Variants in PPFIA2 observed in about 807,000 individuals in gnomAD.
The protein encoded by PPFIA2 is liprin-alpha-2.
In PPFIA2, 46 loss-of-function variants were observed where a neutral mutation model predicts 175.5. The observed-to-expected ratio is 0.26, with a 90% CI of 0.21 to 0.34. PPFIA2 has a LOEUF of 0.34. Ranked by LOEUF, PPFIA2 falls within the 10% of genes least tolerant of loss-of-function variation. The pLI is 1.00. For synonymous variants in PPFIA2, 568 were observed against 511.4 expected, an observed-to-expected ratio of 1.11 and a Z score of -1.49; for missense variants, 1,179 against 1,506.1, an observed-to-expected ratio of 0.78 and a Z score of 3.60.
intron 4 of PPFIA2, among the ~76,000 whole-genome samples, chr12:81,613,182 G>T (rs1207316093): frequency 6.6e-6 from 1 of 152,078 alleles, no homozygotes; most frequent in African/African-American, 2.4e-5. Flanking sequence ...TTACATTAAA[G>T]CTCTAGAGCG....
chr12:81,478,809 C>CA (rs1207681350), intron 4 of PPFIA2, among the ~76,000 whole-genome samples: 1 of 152,046 alleles, frequency 6.6e-6, no homozygotes, highest in Non-Finnish European at 1.5e-5. Context: ...CTTTCTTTTG[C>CA]ATTATCTGAG....
intron 22 of PPFIA2, among the ~76,000 whole-genome samples, chr12:81,318,659 T>C (rs747554089): frequency 6.6e-6 from 1 of 151,904 alleles, no homozygotes; most frequent in Non-Finnish European, 1.5e-5. Flanking sequence ...CCACCTTCTG[T>C]TTCACTTAGT....
At chr12:81,734,101 G>C (rs1440294453) in intron 3 of PPFIA2, among the ~76,000 whole-genome samples, 2 of 151,792 alleles carry the variant, frequency 1.3e-5, no homozygotes, top group Non-Finnish European at 2.9e-5. Flanking sequence ...TATTACCACT[G>C]TTTCCTATTT....
At chr12:81,723,954 T>A (rs999573600) in intron 3 of PPFIA2, among the ~76,000 whole-genome samples, 3 of 151,012 alleles carry the variant, frequency 2.0e-5, no homozygotes, top group African/African-American at 7.3e-5. Flanking sequence ...GAGATTGAAG[T>A]ACATTTTGGG....
chr12:81,537,108 T>C (rs1432007381), intron 4 of PPFIA2, among the ~76,000 whole-genome samples: 1 of 151,606 alleles, frequency 6.6e-6, no homozygotes, highest in Non-Finnish European at 1.5e-5. Context: ...CATCTTCCAA[T>C]GAAGCACTTA....
At chr12:81,648,489 TA>T (rs2066506280) in intron 4 of PPFIA2, among the ~76,000 whole-genome samples, 1 of 152,054 alleles carries the variant, frequency 6.6e-6, no homozygotes, top group South Asian at 2.1e-4. Flanking sequence ...GAGAAAATTT[TA>T]AAAGACCTAA....
chr12:81,731,215 T>C (rs1342195326), intron 3 of PPFIA2, among the ~76,000 whole-genome samples: 1 of 151,644 alleles, frequency 6.6e-6, no homozygotes, highest in East Asian at 2.0e-4. Context: ...TTTCATCCCA[T>C]TTTCTTCTTT....
intron 4 of PPFIA2, among the ~76,000 whole-genome samples, chr12:81,472,353 A>G (rs1252886524): frequency 1.3e-5 from 2 of 152,298 alleles, no homozygotes; most frequent in South Asian, 2.1e-4. Context: ...ATAAAATGGT[A>G]TGTGTTGTTG....
At chr12:81,461,303 C>T (rs1381317930) in intron 4 of PPFIA2, among the ~76,000 whole-genome samples, 1 of 152,056 alleles carries the variant, frequency 6.6e-6, no homozygotes, top group Non-Finnish European at 1.5e-5. Flanking sequence ...TTCAAGGTCA[C>T]CGCTCAATAT....
chr12:81,536,922 G>A (rs546893521), intron 4 of PPFIA2, among the ~76,000 whole-genome samples: 6 of 150,680 alleles, frequency 4.0e-5, no homozygotes, highest in South Asian at 2.1e-4. Context: ...TAAGACTGAT[G>A]GGAAAGTAAA....
intron 4 of PPFIA2, among the ~76,000 whole-genome samples, chr12:81,526,087 C>G (rs1463520766): frequency 6.6e-6 from 1 of 152,094 alleles, no homozygotes; most frequent in Non-Finnish European, 1.5e-5. Context: ...AGATATTAGA[C>G]TAGGTATTTA....
In PPFIA2 at chr12:81,354,422, A is replaced by T. The variant is rs2060537084; in HGVS notation, c.1774-1083T>A. Among the ~76,000 whole-genome samples, 4 of 152,278 alleles carry T rather than the reference A, an allele frequency of 2.6e-5. No individual in the cohort carries two copies. The South Asian group carries it at 8.3e-4, about 32-fold the overall frequency. On this transcript the variant is annotated intron_variant, in intron 16 of 32. Coordinates refer to ENST00000549396, the MANE Select transcript of PPFIA2 (RefSeq NM_003625.5). ...ACCATCTTCACTGGGAGTAGATTCC[A>T]TCTCAAGAAACCACTTTCTGTTCAT...
At chr12:81,339,441 T>A in intron 20 of PPFIA2, 107 bp from the exon 21 acceptor site, 2 of 900,142 alleles carry the variant, frequency 2.2e-6, no homozygotes, top group Non-Finnish European at 3.0e-6. Context: ...TGTAATGTTG[T>A]TTTTTCCCCT....
intron 4 of PPFIA2, among the ~76,000 whole-genome samples, chr12:81,546,873 T>C (rs2067080949): frequency 6.6e-6 from 1 of 152,126 alleles, no homozygotes; most frequent in African/African-American, 2.4e-5. Flanking sequence ...GTCGCAGCAG[T>C]TGGGCCCAGA....
chr12:81,517,915 A>G (rs1012518458), intron 4 of PPFIA2, among the ~76,000 whole-genome samples: 2 of 137,354 alleles, frequency 1.5e-5, no homozygotes, highest in African/African-American at 2.7e-5. Flanking sequence ...TTTCCTTGTA[A>G]TAATTTACAA....
chr12:81,614,427 T>C (rs1220634872), intron 4 of PPFIA2, among the ~76,000 whole-genome samples: 1 of 152,118 alleles, frequency 6.6e-6, no homozygotes, highest in Non-Finnish European at 1.5e-5. Context: ...ATGGGTAGCA[T>C]GGAATCATAG....
At chr12:81,563,385 C>A (rs1424900254) in intron 4 of PPFIA2, among the ~76,000 whole-genome samples, 1 of 152,096 alleles carries the variant, frequency 6.6e-6, no homozygotes, top group Non-Finnish European at 1.5e-5. Context: ...CCACAATTAC[C>A]CTTCTTAAAG....
chr12:81,753,018 T>C (rs2084065634), intron 3 of PPFIA2, among the ~76,000 whole-genome samples: 1 of 151,480 alleles, frequency 6.6e-6, no homozygotes, highest in African/African-American at 2.4e-5. Flanking sequence ...CACTGTAACC[T>C]CTGCCTCCCG....
chr12:81,736,842 A>T (rs935619766), intron 3 of PPFIA2, among the ~76,000 whole-genome samples: 1 of 151,948 alleles, frequency 6.6e-6, no homozygotes, highest in Admixed American at 6.6e-5. Context: ...TCCTGGACTC[A>T]AGGGATTCTC....
Sources: gnomAD v4.1 joint callset for allele counts (sites outside exome capture counted in the v4.1 genomes callset) on GRCh38, gnomAD v4.1.1 for gene constraint, MANE v1.5 for transcripts, NCBI Gene and HGNC (gene_info 2026-07-23, HGNC 2026-07-21) for gene names.